Variants in CNTNAP2 observed in about 807,000 individuals in gnomAD.
CNTNAP2 encodes the protein contactin associated protein 2, also known as contactin-associated protein-like 2.
In CNTNAP2, 98 loss-of-function variants were observed where a neutral mutation model predicts 155.2. The observed-to-expected ratio is 0.63, with a 90% CI of 0.54 to 0.75. The LOEUF (loss-of-function observed/expected upper bound fraction) is 0.75. Ranked by LOEUF, CNTNAP2 falls within the 30% of genes least tolerant of loss-of-function variation. The probability of loss-of-function intolerance (pLI) is 0.00; values close to 1 mark genes in which losing one functional copy is unlikely to be tolerated. For missense variants in CNTNAP2, 1,727 were observed against 1,688.1 expected, an observed-to-expected ratio of 1.02 and a Z score of -0.40; for synonymous variants, 651 against 631.2, an observed-to-expected ratio of 1.03 and a Z score of -0.47.
chr7:147,222,770 C>G (rs188549159), intron 8 of CNTNAP2, among the ~76,000 whole-genome samples: 69 of 151,286 alleles, frequency 4.6e-4, no homozygotes, highest in African/African-American at 1.6e-3. Context: ...TCTTAGTACC[C>G]CTATGCCTTT....
At chr7:146,758,882 C>A (rs1802036982) in intron 1 of CNTNAP2, among the ~76,000 whole-genome samples, 1 of 152,056 alleles carries the variant, frequency 6.6e-6, no homozygotes, top group Non-Finnish European at 1.5e-5. Context: ...CTCTCCTTCC[C>A]TTTTTAAGAC....
intron 1 of CNTNAP2, among the ~76,000 whole-genome samples, chr7:146,506,943 T>C (rs1045332479): frequency 6.6e-6 from 1 of 152,170 alleles, no homozygotes; most frequent in African/African-American, 2.4e-5. Flanking sequence ...GCTCAGTGTT[T>C]AGGGGCGCCT....
chr7:146,477,861 A>G (rs1235054998), intron 1 of CNTNAP2, among the ~76,000 whole-genome samples: 1 of 152,160 alleles, frequency 6.6e-6, no homozygotes. Context: ...AGGGTCAGAA[A>G]GTGAGTAATA....
intron 1 of CNTNAP2, among the ~76,000 whole-genome samples, chr7:146,566,848 G>A (rs1050437139): frequency 4.6e-5 from 7 of 152,090 alleles, no homozygotes; most frequent in African/African-American, 1.7e-4. Flanking sequence ...CATAGTATAA[G>A]GATTCTTTTG....
intron 3 of CNTNAP2, among the ~76,000 whole-genome samples, chr7:146,976,576 A>G (rs575886823): frequency 5.9e-5 from 9 of 152,142 alleles, no homozygotes; most frequent in Non-Finnish European, 1.2e-4. Flanking sequence ...AGATGAAGAG[A>G]TGTCTAGGGT....
intron 1 of CNTNAP2, among the ~76,000 whole-genome samples, chr7:146,238,874 A>G (rs4726783): frequency 0.2 from 31,064 of 152,096 alleles, 3,457 homozygotes; most frequent in East Asian, 0.28. Flanking sequence ...CAAAACCATC[A>G]GATCTTGTGA....
intron 3 of CNTNAP2, among the ~76,000 whole-genome samples, chr7:146,944,790 A>G (rs1797127948): frequency 6.6e-6 from 1 of 152,086 alleles, no homozygotes. Flanking sequence ...AGGCAGGAGA[A>G]TGGCGTGAAC....
chr7:146,685,213 T>G (rs1800575077), intron 1 of CNTNAP2, among the ~76,000 whole-genome samples: 1 of 152,216 alleles, frequency 6.6e-6, no homozygotes, highest in Admixed American at 6.5e-5. Flanking sequence ...ACTGCCAAGC[T>G]GTATCCACTA....
intron 2 of CNTNAP2, among the ~76,000 whole-genome samples, chr7:146,810,896 A>G (rs895537248): frequency 6.6e-6 from 1 of 152,124 alleles, no homozygotes; most frequent in African/African-American, 2.4e-5. Flanking sequence ...AGATGATCAT[A>G]TGATTTTTAG....
Position 146,497,459 on chromosome 7 carries a change from A to G in CNTNAP2, c.98-276812A>G, listed in dbSNP as rs1797235386. ...TTTAATATGCTTCTTCCTTCCAGTAAACAACACTTCTCTTTTTTTGGAGAG... is the reference window on the plus strand; with the variant it reads ...TTTAATATGCTTCTTCCTTCCAGTAGACAACACTTCTCTTTTTTTGGAGAG... On this transcript the variant is annotated intron_variant, in intron 1 of 23. Transcript: ENST00000361727. Among the ~76,000 whole-genome samples, 4 of 152,104 alleles carry G rather than the reference A, an allele frequency of 2.6e-5. No homozygotes were observed. In the South Asian group the frequency reaches 8.3e-4, roughly 32 times the overall value.
At chr7:147,263,763 C>T (rs1468560291) in intron 8 of CNTNAP2, among the ~76,000 whole-genome samples, 2 of 152,296 alleles carry the variant, frequency 1.3e-5, no homozygotes, top group East Asian at 3.9e-4. Context: ...AGCTCTGATG[C>T]ATACATATGG....
intron 3 of CNTNAP2, among the ~76,000 whole-genome samples, chr7:146,944,003 A>T (rs1457788200): frequency 6.6e-6 from 1 of 151,950 alleles, no homozygotes; most frequent in Non-Finnish European, 1.5e-5. Context: ...CTGCACCTTT[A>T]CTTTTGTTTA....
intron 1 of CNTNAP2, among the ~76,000 whole-genome samples, chr7:146,451,798 A>G (rs895350208): frequency 2.1e-5 from 2 of 94,412 alleles, no homozygotes; most frequent in African/African-American, 1.1e-4. Flanking sequence ...AAGAAGAAAT[A>G]AGGTCTCTTC....
intron 8 of CNTNAP2, among the ~76,000 whole-genome samples, chr7:147,138,653 AC>A (rs1452231125): frequency 1.3e-5 from 2 of 151,994 alleles, no homozygotes; most frequent in Non-Finnish European, 2.9e-5. Flanking sequence ...GAAAAAAAGG[AC>A]CGGGGGAGAG....
intron 21 of CNTNAP2, among the ~76,000 whole-genome samples, chr7:148,359,911 T>G (rs918908487): frequency 9.2e-5 from 14 of 152,246 alleles, no homozygotes; most frequent in African/African-American, 3.4e-4. Flanking sequence ...TGTGGTTTGA[T>G]CCTACAAATT....
intron 1 of CNTNAP2, among the ~76,000 whole-genome samples, chr7:146,212,662 T>G (rs1799054053): frequency 6.6e-6 from 1 of 152,184 alleles, no homozygotes; most frequent in Non-Finnish European, 1.5e-5. Flanking sequence ...AGTTTAAGTT[T>G]GAATGATGAG....
intron 1 of CNTNAP2, among the ~76,000 whole-genome samples, chr7:146,468,204 A>G (rs1796743143): frequency 6.6e-6 from 1 of 152,190 alleles, no homozygotes; most frequent in African/African-American, 2.4e-5. Context: ...ACAGTATGAT[A>G]AAGACCGTGA....
intron 17 of CNTNAP2, among the ~76,000 whole-genome samples, chr7:148,152,892 G>C (rs561851682): frequency 6.6e-6 from 1 of 151,890 alleles, no homozygotes; most frequent in East Asian, 1.9e-4. Context: ...GTAGTGGCAG[G>C]CGCCTGTAGT....
At chr7:146,320,349 A>C (rs1800979620) in intron 1 of CNTNAP2, among the ~76,000 whole-genome samples, 1 of 152,136 alleles carries the variant, frequency 6.6e-6, no homozygotes, top group Admixed American at 6.6e-5. Context: ...TAATGCAAAA[A>C]TATAATGCTT....
Sources: allele counts gnomAD v4.1 joint callset (sites outside exome capture counted in the v4.1 genomes callset), GRCh38; gene constraint gnomAD v4.1.1; transcripts MANE v1.5; gene names NCBI Gene and HGNC (gene_info 2026-07-23, HGNC 2026-07-21).